The following PIGR variants were observed in gnomAD, a reference collection of about 807,000 sequenced individuals.
The protein encoded by PIGR is hepatocellular carcinoma associated protein TB6.
A neutral mutation model predicts 69.5 loss-of-function variants in PIGR; 22 were observed. That is an observed-to-expected ratio of 0.32 (90% confidence interval 0.23 to 0.45). PIGR has a LOEUF of 0.45. Ranked by LOEUF, PIGR falls within the 20% of genes least tolerant of loss-of-function variation. The pLI is 1.00. For missense variants in PIGR, 885 were observed against 974.0 expected (o/e 0.91, Z 1.22); for synonymous variants, 413 against 407.6 (o/e 1.01, Z -0.16).
At position 206,940,509 on chromosome 1, in the gene PIGR, C is replaced by T. The variant is rs554098586; in HGVS notation, c.23G>A (p.Cys8Tyr). Reference protein sequence around the residue: MLLFVLTCLLAVFPAIST... With the variant: MLLFVLTYLLAVFPAIST... ...CACACCTGGGAAGACCGCCAGCAGG[C>T]AGGTGAGCACGAAGAGCAGCATTGC... Residue 8 changes from cysteine (C) to tyrosine (Y), a missense_variant, in exon 2 of 11, where the codon TGC becomes TAC. Transcript: ENST00000356495. 3.5e-4 allele frequency: 537 copies of T among 1,551,384 alleles called. 1 individual carries two copies. The highest frequency in any genetic ancestry group is 4.5e-4 in the Non-Finnish European group (514 of 1,146,942).
chr1:206,931,755 A>C lies in PIGR; in HGVS notation c.2056T>G (p.Phe686Val). The C allele has an allele frequency of 6.2e-7, 1 of 1,614,044 alleles. No homozygotes were observed. The highest frequency in any genetic ancestry group is 8.5e-7 in the Non-Finnish European group (1 of 1,179,990). Reference sequence around the variant, plus strand: ...GCTCCAAATTCCCTGGAGTTCTCGAAGTCTGACATGCTAATGTCTGTCCTG... The same window carrying C: ...GCTCCAAATTCCCTGGAGTTCTCGACGTCTGACATGCTAATGTCTGTCCTG... ...SYRTDISMSD[F>V]ENSREFGAND... The change falls in exon 9 of 11, where the codon TTC (phenylalanine) becomes GTC (valine). Residue 686 changes from phenylalanine (F) to valine (V), a missense_variant. Coordinates refer to ENST00000356495, the MANE Select transcript of PIGR (RefSeq NM_002644.4).
In PIGR at chr1:206,934,438, C is replaced by G. The variant is rs1679823379; in HGVS notation, c.1687G>C (p.Glu563Gln). ...GACTCACCCGCTGCCTTCCTCTCTT[C>G]AACTGCCACATAGACGGCTGCAGTC... ...GETAAVYVAV[E>Q]ERKAAGSRDV... Residue 563 changes from glutamate (E) to glutamine (Q), a missense_variant, in exon 6 of 11, where the codon GAA (glutamate) becomes CAA (glutamine). Transcript: ENST00000356495. 1 of 1,613,462 alleles carries G rather than the reference C, an allele frequency of 6.2e-7. No individual in the cohort carries two copies. The highest frequency in any genetic ancestry group is 8.5e-7 in the Non-Finnish European group (1 of 1,179,548).
intron 1 of PIGR, among the ~76,000 whole-genome samples, chr1:206,941,129 G>A (rs745903907): frequency 6.6e-6 from 1 of 152,224 alleles, no homozygotes; most frequent in Non-Finnish European, 1.5e-5. Flanking sequence ...CAGGCACTGT[G>A]TTGAATAATT....
At chr1:206,942,816 G>A (rs779358344) in intron 1 of PIGR, among the ~76,000 whole-genome samples, 2 of 152,200 alleles carry the variant, frequency 1.3e-5, no homozygotes, top group South Asian at 4.1e-4. Context: ...TCAAGCCAGG[G>A]ATGAGAGCAT....
chr1:206,932,663 T>C, intron 7 of PIGR, 86 bp from the exon 8 acceptor site: 4 of 1,454,172 alleles, frequency 2.8e-6, no homozygotes, highest in Non-Finnish European at 3.7e-6. Context: ...TAGTCCTTTT[T>C]CCTCCCAGGT....
rs540910903 is a variant in PIGR, at chr1:206,934,247, G to T, written c.1705+173C>A. On this transcript the variant is annotated intron_variant, in intron 6 of 10. Transcript: ENST00000356495. ...TTTATTTGAGATGTCCCTTTTGAAG[G>T]GCTCAACGAGGCTATATAGGACCTA... Among the ~76,000 whole-genome samples, 15 of 152,144 alleles carry T rather than the reference G, an allele frequency of 9.9e-5. 1 individual carries two copies. In the East Asian group the frequency reaches 2.3e-3, roughly 23 times the overall value.
rs773604801 is a variant in PIGR, at chr1:206,933,145, G to A, written c.1727C>T (p.Ala576Val). The change falls in exon 7 of 11, where the codon GCG (alanine) becomes GTG (valine). Residue 576 changes from alanine (A) to valine (V), a missense_variant. Ala to Val is a moderately conservative substitution (Grantham distance 64, BLOSUM62 0). Coordinates refer to ENST00000356495, the MANE Select transcript of PIGR (RefSeq NM_002644.4). Reference protein sequence around the residue: ...KAAGSRDVSLAKADAAPDEKV... With the variant: ...KAAGSRDVSLVKADAAPDEKV... Reference sequence around the variant, plus strand: ...CTCATCAGGAGCAGCGTCTGCCTTCGCTAGGCTGACATCGCGGGACCCTGC... The same window carrying A: ...CTCATCAGGAGCAGCGTCTGCCTTCACTAGGCTGACATCGCGGGACCCTGC... The A allele has an allele frequency of 8.7e-6, 14 of 1,614,004 alleles. No homozygotes were observed. The highest frequency in any genetic ancestry group is 6.7e-5 in the East Asian group (3 of 44,902).
At position 206,929,179 on chromosome 1, in the gene PIGR, G is replaced by A. The variant is rs1558010156; in HGVS notation, c.*1139C>T. 2 of 151,918 alleles carry A rather than the reference G, an allele frequency of 1.3e-5. No individual in the cohort carries two copies. Among genetic ancestry groups the A allele is most frequent in the Admixed American group, 1.3e-4 (2 of 15,222 alleles). The allele number at this position is 151,918 out of a possible 1,614,324, so 9.4% of individuals were successfully genotyped here. ...AATAGCTTGAACCTGGAAGGCAGAG[G>A]TTTCAGTGAGCCGAGATTGTGTCAC... On this transcript the variant is annotated 3_prime_UTR_variant, in exon 11 of 11. Transcript: ENST00000356495.
chr1:206,933,050 C>T lies in PIGR; in HGVS notation c.1822G>A (p.Glu608Lys), dbSNP rs1390002151. The T allele has an allele frequency of 6.2e-7, 1 of 1,614,208 alleles. No homozygotes were observed. The highest frequency in any genetic ancestry group is 1.1e-5 in the South Asian group (1 of 91,084). The stretch of plus-strand genomic sequence containing the variant: ...TCTCTTGTATCTGCCACCGCCTTTT[C>T]CTCTGCAAAAAGCCTGGGATCCTGA... ...AIQDPRLFAE[E>K]KAVADTRDQA... Residue 608 changes from glutamate to lysine, a missense_variant, in exon 7 of 11, where the codon GAA (glutamate) becomes AAA (lysine). Glu to Lys is a moderately conservative substitution (Grantham distance 56, BLOSUM62 1). Transcript: ENST00000356495.
At position 206,934,511 on chromosome 1, in the gene PIGR, A is replaced by G; in HGVS notation, c.1614T>C (p.Asp538=). The change falls in exon 6 of 11, where the codon GAT becomes GAC. Residue 538 remains aspartate, a synonymous_variant. Transcript: ENST00000356495. The part of the protein sequence containing the change: ...SLTLNLVTRA[D]EGWYWCGVKQ... The stretch of plus-strand genomic sequence containing the variant: ...TCACTCCACACCAGTACCAGCCCTC[A>G]TCAGCCCTGGTCACCAGGTTCAGGG... The G allele has an allele frequency of 1.9e-6, 3 of 1,614,236 alleles. No individual in the cohort carries two copies. The highest frequency in any genetic ancestry group is 2.2e-5 in the South Asian group (2 of 91,090).
At chr1:206,931,840 G>A in intron 8 of PIGR, 38 bp from the exon 9 acceptor site, 1 of 1,612,748 alleles carries the variant, frequency 6.2e-7, no homozygotes, top group Non-Finnish European at 8.5e-7. Context: ...AAGGACAGGG[G>A]CTGGGACCTA....
rs750491260 is a variant in PIGR, at chr1:206,934,721, C to T, written c.1404G>A (p.Gly468=). 1 of 1,608,658 alleles carries T rather than the reference C, an allele frequency of 6.2e-7. No homozygotes were observed. Among genetic ancestry groups the T allele is most frequent in the Non-Finnish European group, 8.5e-7 (1 of 1,179,704 alleles). ...TCTCTCCCAGCACAGCCGTGACATT[C>T]CCTGGTACCTTGAGGTTTGGTTCTC... is the stretch of plus-strand genomic sequence containing the variant. ...IEGEPNLKVP[G]NVTAVLGETL... Residue 468 remains glycine (G), a synonymous_variant, in exon 6 of 11, where the codon GGG becomes GGA. Coordinates refer to ENST00000356495, the MANE Select transcript of PIGR (RefSeq NM_002644.4).
Position 206,928,587 on chromosome 1 carries a change from T to C in PIGR, c.*1731A>G, listed in dbSNP as rs1679660379. ...TCTGATTTGTTAGCAAGTGCCAGCT[T>C]GTAGGCTGGTTGAAGTACAGAACTC... On this transcript the variant is annotated 3_prime_UTR_variant, in exon 11 of 11. Coordinates refer to ENST00000356495, the MANE Select transcript of PIGR (RefSeq NM_002644.4). The C allele has an allele frequency of 6.6e-6, 1 of 152,650 alleles. No homozygotes were observed. The highest frequency in any genetic ancestry group is 2.1e-4 in the South Asian group (1 of 4,832). The allele number at this position is 152,650 out of a possible 1,614,324, so 9.5% of individuals were successfully genotyped here.
In PIGR at chr1:206,930,089, G is replaced by C. The variant is rs781452987; in HGVS notation, c.*229C>G. ...CTCCGTACCTGAGGTTCTCTCAACA[G>C]AAAGAAGTTGCAAGTGGGACCTCCT... On this transcript the variant is annotated 3_prime_UTR_variant, in exon 11 of 11. Transcript: ENST00000356495. The surrounding 1 kb of genome is among the most constrained non-coding windows in gnomAD (Gnocchi z 4.3). 31 of 438,212 alleles carry C rather than the reference G, an allele frequency of 7.1e-5. No homozygotes were observed. Among genetic ancestry groups the C allele is most frequent in the Non-Finnish European group, 1.1e-4 (28 of 247,692 alleles). The allele number at this position is 438,212 out of a possible 1,614,324, so 27.1% of individuals were successfully genotyped here. A position where few individuals can be genotyped will look rare whatever the true frequency, so the allele number is the denominator to read the frequency against.
intron 1 of PIGR, among the ~76,000 whole-genome samples, chr1:206,944,943 C>T (rs1002643238): frequency 1.3e-5 from 2 of 152,142 alleles, no homozygotes; most frequent in Admixed American, 6.5e-5. Context: ...CCTACCTCCT[C>T]GTTGGTATCA....
At chr1:206,941,152 C>T (rs1234572758) in intron 1 of PIGR, among the ~76,000 whole-genome samples, 1 of 152,212 alleles carries the variant, frequency 6.6e-6, no homozygotes, top group Non-Finnish European at 1.5e-5. Context: ...TGTGTACTAT[C>T]TCATACAGAC....
intron 8 of PIGR, among the ~76,000 whole-genome samples, chr1:206,932,158 A>C (rs1679767058): frequency 6.6e-6 from 1 of 152,126 alleles, no homozygotes; most frequent in African/African-American, 2.4e-5. Flanking sequence ...CTCATTAGTT[A>C]TCCAATTAGT....
intron 5 of PIGR, among the ~76,000 whole-genome samples, chr1:206,934,960 G>T (rs1029838144): frequency 1.3e-5 from 2 of 152,154 alleles, no homozygotes; most frequent in African/African-American, 2.4e-5. Context: ...CTGGGCTCAA[G>T]CAATCTTCCT....
intron 1 of PIGR, among the ~76,000 whole-genome samples, chr1:206,944,628 C>T (rs1031267917): frequency 6.6e-6 from 1 of 152,164 alleles, no homozygotes; most frequent in African/African-American, 2.4e-5. Context: ...GGCATGTTGA[C>T]GCCAAAGCCT....
Sources: gnomAD v4.1 joint callset for allele counts (sites outside exome capture counted in the v4.1 genomes callset) on GRCh38, gnomAD v4.1.1 for gene constraint, Gnocchi (gnomAD v3.1) non-coding constraint, MANE v1.5 for transcripts, NCBI Gene and HGNC (gene_info 2026-07-23, HGNC 2026-07-21) for gene names.